Variants in KLHDC4 observed in about 807,000 individuals in gnomAD.
KLHDC4 encodes the protein kelch domain-containing protein 4.
In KLHDC4, 90 loss-of-function variants were observed where a neutral mutation model predicts 62.4. The ratio of observed to expected loss-of-function variants is 1.44; its 90% CI spans 1.22 to 1.72. KLHDC4 has a LOEUF of 1.72. Ranked by LOEUF, KLHDC4 falls within the 40% of genes most tolerant of loss-of-function variation. The probability of loss-of-function intolerance (pLI) is 0.00; values close to 1 mark genes in which losing one functional copy is unlikely to be tolerated. For missense variants in KLHDC4, 1,025 were observed against 699.7 expected (o/e 1.47, Z -5.25); for synonymous variants, 386 against 284.4 (o/e 1.36, Z -3.59).
intron 7 of KLHDC4, among the ~76,000 whole-genome samples, chr16:87,714,882 C>A (rs1411015817): frequency 6.6e-6 from 1 of 152,228 alleles, no homozygotes; most frequent in Non-Finnish European, 1.5e-5. Context: ...ACCACAGGGG[C>A]CTCTGATACC....
At chr16:87,725,505 A>G (rs923666155) in intron 7 of KLHDC4, among the ~76,000 whole-genome samples, 12 of 152,350 alleles carry the variant, frequency 7.9e-5, no homozygotes, top group Middle Eastern at 3.4e-3. Flanking sequence ...TAGGAGGAGT[A>G]TACAGGTGTT....
intron 4 of KLHDC4, chr16:87,750,923 T>G (rs1424078961): frequency 6.6e-6 from 1 of 152,170 alleles, no homozygotes; most frequent in East Asian, 1.9e-4. Flanking sequence ...GCCCAGTAGT[T>G]CCATAGGGAG....
intron 7 of KLHDC4, among the ~76,000 whole-genome samples, chr16:87,720,760 C>T (rs2142994558): frequency 6.6e-6 from 1 of 152,370 alleles, no homozygotes; most frequent in Non-Finnish European, 1.5e-5. Flanking sequence ...CACTTCTAGT[C>T]AGCTTCCTTT....
chr16:87,702,119 G>A lies in KLHDC4; in HGVS notation c.396C>T (p.Cys132=), dbSNP rs571376376. 1.7e-4 allele frequency: 78 copies of A among 456,126 alleles called. 2 individuals are homozygous for A. Among genetic ancestry groups the A allele is most frequent in the South Asian group, 9.6e-4 (62 of 64,566 alleles). The allele number at this position is 456,126 out of a possible 1,614,324, so 28.3% of individuals were successfully genotyped here. A position where few individuals can be genotyped will look rare whatever the true frequency, so the allele number is the denominator to read the frequency against. Residue 132 remains cysteine (C), a synonymous_variant, in exon 1 of 1, where the codon TGC becomes TGT. Coordinates refer to the KLHDC4 transcript ENST00000446344. ...CAGCCTTCGGGTCCCAGAGCTTCCCGCATGATCGTGTGTGGAACAGACCGG... is the reference window on the plus strand; with the variant it reads ...CAGCCTTCGGGTCCCAGAGCTTCCCACATGATCGTGTGTGGAACAGACCGG...
In KLHDC4 at chr16:87,731,882, T is replaced by C. The variant is rs180789032; in HGVS notation, c.507-1238A>G. On this transcript the variant is annotated intron_variant, in intron 5 of 11. Transcript: ENST00000270583. ...GAAACAAAAAGGAATTGTTTACTGA[T>C]GCACACAGCAATGTGAATGAATCTT... Among the ~76,000 whole-genome samples the C allele has an allele frequency of 2.0e-4, 31 of 152,246 alleles. No homozygotes were observed. The East Asian group carries it at 2.3e-3, about 11-fold the overall frequency.
intron 2 of KLHDC4, 81 bp downstream of exon 2, chr16:87,761,868 G>C: frequency 6.6e-6 from 9 of 1,354,114 alleles, no homozygotes; most frequent in Non-Finnish European, 9.4e-6. Context: ...GGTCATTTAC[G>C]AAACCTGGTG....
downstream of KLHDC4, among the ~76,000 whole-genome samples, chr16:87,706,605 ATCAAGTG>A (rs1567638725): frequency 2.0e-5 from 3 of 152,138 alleles, no homozygotes; most frequent in South Asian, 4.1e-4. Flanking sequence ...CAGCATTCCC[ATCAAGTG>A]TCAAGTGACA....
At chr16:87,723,833 G>C (rs945804556) in intron 7 of KLHDC4, among the ~76,000 whole-genome samples, 14 of 152,148 alleles carry the variant, frequency 9.2e-5, no homozygotes, top group African/African-American at 3.1e-4. Context: ...AGAATAAAAA[G>C]CCTTTTCTTT....
intron 5 of KLHDC4, among the ~76,000 whole-genome samples, chr16:87,737,681 G>A (rs540606883): frequency 3.3e-5 from 5 of 151,114 alleles, no homozygotes; most frequent in Non-Finnish European, 5.9e-5. Flanking sequence ...TCCACCTCCC[G>A]GGTTCAAGCA....
At chr16:87,706,481 G>A (rs12599985), downstream of KLHDC4, among the ~76,000 whole-genome samples, 7 of 151,942 alleles carry the variant, frequency 4.6e-5, no homozygotes, top group South Asian at 2.1e-4. Flanking sequence ...CAGCCCTCGA[G>A]GGGGGCGGCA....
chr16:87,717,352 C>T (rs1278831626), intron 7 of KLHDC4, among the ~76,000 whole-genome samples: 1 of 152,222 alleles, frequency 6.6e-6, no homozygotes, highest in Non-Finnish European at 1.5e-5. Context: ...GGTTATTTTT[C>T]TTATAGCTAA....
intron 8 of KLHDC4, among the ~76,000 whole-genome samples, chr16:87,711,951 C>A (rs537049174): frequency 1.3e-4 from 20 of 150,118 alleles, no homozygotes; most frequent in African/African-American, 4.7e-4. Flanking sequence ...CGGGGACCCT[C>A]CGCCCTGCAA....
chr16:87,720,288 T>C (rs185807639), intron 7 of KLHDC4, among the ~76,000 whole-genome samples: 6 of 152,294 alleles, frequency 3.9e-5, no homozygotes, highest in Admixed American at 6.5e-5. Context: ...GCAGCACTGA[T>C]GTTCACCGAA....
At chr16:87,765,416 C>CG (rs1401581088) in intron 1 of KLHDC4, 3 of 487,216 alleles carry the variant, frequency 6.2e-6, no homozygotes, top group African/African-American at 5.8e-5. Context: ...AGGCAGCCCC[C>CG]GGCTCAACCT....
chr16:87,735,357 T>C (rs2041135974), intron 5 of KLHDC4, among the ~76,000 whole-genome samples: 1 of 148,814 alleles, frequency 6.7e-6, no homozygotes, highest in African/African-American at 2.5e-5. Context: ...CCAAGTCCGC[T>C]TCAAAAAATG....
chr16:87,700,694 G>C, exon 1 of KLHDC4: 1 of 252,860 alleles, frequency 4.0e-6, no homozygotes, highest in Non-Finnish European at 7.4e-6. Context: ...GGAGGGCGGA[G>C]GGAGGAGGTT....
At chr16:87,737,204 G>A (rs1273673487) in intron 5 of KLHDC4, among the ~76,000 whole-genome samples, 1 of 151,386 alleles carries the variant, frequency 6.6e-6, no homozygotes, top group African/African-American at 2.4e-5. Context: ...TTGAACCAAG[G>A]TGTTCTGGCT....
At chr16:87,750,712 C>T (rs2043798549) in intron 4 of KLHDC4, among the ~76,000 whole-genome samples, 1 of 152,222 alleles carries the variant, frequency 6.6e-6, no homozygotes, top group African/African-American at 2.4e-5. Context: ...CCCGCCCGCA[C>T]ATAGAAACGG....
Position 87,726,865 on chromosome 16 carries a change from T to A in KLHDC4, c.659A>T (p.Lys220Met). The change falls in exon 7 of 12, where the codon AAG becomes ATG. Residue 220 changes from lysine (K) to methionine (M), a missense_variant. Physicochemically the swap from Lys to Met is moderately conservative, Grantham distance 95 (BLOSUM62 -1). Transcript: ENST00000270583. ...GGGCCCCGTCCCTGACGGGGACAGC[T>A]TGCTCCATGTGAAGGTGTCCAGATT... Reference protein sequence around the residue: ...AFNLDTFTWSKLSPSGTGPTP... With the variant: ...AFNLDTFTWSMLSPSGTGPTP... 1 of 1,613,802 alleles carries A rather than the reference T, an allele frequency of 6.2e-7. No individual in the cohort carries two copies. The highest frequency in any genetic ancestry group is 8.5e-7 in the Non-Finnish European group (1 of 1,179,884).
Sources: gnomAD v4.1 joint callset for allele counts (sites outside exome capture counted in the v4.1 genomes callset) on GRCh38, gnomAD v4.1.1 for gene constraint, MANE v1.5 for transcripts, NCBI Gene and HGNC (gene_info 2026-07-23, HGNC 2026-07-21) for gene names.